Variants in DOCK6 observed in about 807,000 individuals in gnomAD.
DOCK6 encodes the protein dedicator of cytokinesis 6.
DOCK6 carries 167 observed loss-of-function variants against 230.3 expected under a neutral mutation model. The observed-to-expected ratio is 0.73, with a 90% CI of 0.64 to 0.82. DOCK6 has a LOEUF of 0.82. DOCK6 is among the 40% of genes least tolerant of loss of function. The probability of loss-of-function intolerance (pLI) is 0.00; values close to 1 mark genes in which losing one functional copy is unlikely to be tolerated. For synonymous variants in DOCK6, 1,148 were observed against 1,185.0 expected (o/e 0.97, Z 0.64); for missense variants, 2,598 against 2,825.8 (o/e 0.92, Z 1.83).
Position 11,227,380 on chromosome 19 carries a change from A to C in DOCK6, c.2912T>G (p.Leu971Trp). The C allele has an allele frequency of 1.9e-6, 3 of 1,613,858 alleles. No homozygotes were observed. The highest frequency in any genetic ancestry group is 2.5e-6 in the Non-Finnish European group (3 of 1,179,888). ...GACCTCCAGGCCCACAGAGCCCACCAAGGCAGTGATGTCGTCCAGGAAGCG... is the reference window on the plus strand; with the variant it reads ...GACCTCCAGGCCCACAGAGCCCACCCAGGCAGTGATGTCGTCCAGGAAGCG... ...PGRFLDDITA[L>W]VGSVGLEVIT... The change falls in exon 24 of 48, where the codon TTG (leucine) becomes TGG (tryptophan). Residue 971 changes from leucine (L) to tryptophan (W), a missense_variant. By Grantham distance (61) the Leu-to-Trp change is moderately conservative. Transcript: ENST00000294618.
intron 30 of DOCK6, chr19:11,216,172 A>G (rs2147763156): frequency 6.6e-6 from 2 of 302,256 alleles, no homozygotes; most frequent in Non-Finnish European, 1.2e-5. Flanking sequence ...GCTCATTGCA[A>G]CCTCCACCTC....
Position 11,201,802 on chromosome 19 carries a change from G to T in DOCK6, c.5688+87C>A. The T allele has an allele frequency of 7.8e-7, 1 of 1,282,688 alleles. No homozygotes were observed. Among genetic ancestry groups the T allele is most frequent in the Non-Finnish European group, 1.1e-6 (1 of 932,782 alleles). 79.5% of individuals were successfully genotyped at this position (1,282,688 alleles called of 1,614,324 possible). ...AGGTCCGTGAACCACCTTGGGTCTGGGTCCCTGTGTCTACCCTCCCCTCCC... is the reference window on the plus strand; with the variant it reads ...AGGTCCGTGAACCACCTTGGGTCTGTGTCCCTGTGTCTACCCTCCCCTCCC... On this transcript the variant is annotated intron_variant, in intron 44 of 47. Transcript: ENST00000294618. This position sits in a 1 kb window ranked among gnomAD's most constrained non-coding sequence, Gnocchi z 4.3.
intron 1 of DOCK6, 23 bp downstream of exon 1, chr19:11,262,374 A>C: frequency 1.9e-6 from 2 of 1,028,508 alleles, no homozygotes; most frequent in Non-Finnish European, 1.2e-6. Flanking sequence ...GGGAGGTGGG[A>C]GGGGGCCCCG....
In DOCK6 at chr19:11,238,040, C is replaced by T. The variant is rs757557858; in HGVS notation, c.1832+5G>A. On this transcript the variant is annotated splice_donor_5th_base_variant and intron_variant, in intron 16 of 47. Coordinates refer to ENST00000294618, the MANE Select transcript of DOCK6 (RefSeq NM_020812.4). ...CCCAAGTTCCTCACGTGTCCCCCTA[C>T]ATACTTGTTATGGTAGACCACCGGT... 3 of 1,613,782 alleles carry T rather than the reference C, an allele frequency of 1.9e-6. No homozygotes were observed. Among genetic ancestry groups the T allele is most frequent in the East Asian group, 2.2e-5 (1 of 44,882 alleles).
intron 39 of DOCK6, chr19:11,208,276 T>TC (rs2079296348): frequency 7.3e-6 from 1 of 137,232 alleles, no homozygotes; most frequent in South Asian, 2.2e-4. Context: ...CAATTCTCCT[T>TC]CCTTTTTTTT....
At chr19:11,251,511 C>T (rs1277137819) in intron 5 of DOCK6, 2 of 160,920 alleles carry the variant, frequency 1.2e-5, no homozygotes, top group Non-Finnish European at 2.7e-5. Context: ...GACACTGGGT[C>T]TCTGACCCCC....
intron 39 of DOCK6, 48 bp downstream of exon 39, chr19:11,208,638 C>A: frequency 6.3e-7 from 1 of 1,579,850 alleles, no homozygotes; most frequent in Non-Finnish European, 8.6e-7. Context: ...CTGATGGCAC[C>A]TCCCTGGCCC....
rs930140695 is a variant in DOCK6 at position 11,216,907 on chromosome 19, C to G, written c.3894+7G>C. 6.2e-7 allele frequency: 1 copy of G among 1,613,628 alleles called. No individual in the cohort carries two copies. Among genetic ancestry groups the G allele is most frequent in the Non-Finnish European group, 8.5e-7 (1 of 1,179,780 alleles). Reference sequence around the variant, plus strand: ...TCCTCCATCATCTCCTGCCCACGCCCTCAAACCTTGTACTCAAAGGCAGCT... The same window carrying G: ...TCCTCCATCATCTCCTGCCCACGCCGTCAAACCTTGTACTCAAAGGCAGCT... On this transcript the variant is annotated splice_region_variant and intron_variant, in intron 30 of 47. Transcript: ENST00000294618.
At chr19:11,228,147 A>T (rs1465783862) in intron 23 of DOCK6, among the ~76,000 whole-genome samples, 1 of 151,604 alleles carries the variant, frequency 6.6e-6, no homozygotes, top group Admixed American at 6.6e-5. Flanking sequence ...TGTAGCTGAG[A>T]TTACAGGCAC....
Position 11,208,847 on chromosome 19 carries a change from G to T in DOCK6, c.4945-18C>A, listed in dbSNP as rs957248286. The T allele has an allele frequency of 1.9e-6, 3 of 1,608,464 alleles. No individual in the cohort carries two copies. The highest frequency in any genetic ancestry group is 1.1e-5 in the South Asian group (1 of 91,040). On this transcript the variant is annotated intron_variant, in intron 38 of 47. Transcript: ENST00000294618. ...GAGATGTTCTGGGGTGGGAGAGGTGGCGTCAGACCCTGGTCCCCACTGCAC... is the reference window on the plus strand; with the variant it reads ...GAGATGTTCTGGGGTGGGAGAGGTGTCGTCAGACCCTGGTCCCCACTGCAC...
chr19:11,245,958 G>T, intron 7 of DOCK6, 80 bp from the exon 8 acceptor site: 1 of 1,504,102 alleles, frequency 6.6e-7, no homozygotes, highest in Non-Finnish European at 9.0e-7. Context: ...GAGGCCCAAG[G>T]TGGGGGGCAT....
At chr19:11,246,233 A>AT (rs2080031977) in intron 7 of DOCK6, among the ~76,000 whole-genome samples, 1 of 151,224 alleles carries the variant, frequency 6.6e-6, no homozygotes, top group South Asian at 2.1e-4. Context: ...TGCCCAGCTA[A>AT]TTTTTTGTGT....
chr19:11,236,043 G>T lies in DOCK6; in HGVS notation c.2393-284C>A. 2.0e-6 allele frequency: 1 copy of T among 495,106 alleles called. No homozygotes were observed. Among genetic ancestry groups the T allele is most frequent in the Non-Finnish European group, 3.5e-6 (1 of 283,176 alleles). The allele number at this position is 495,106 out of a possible 1,614,324, so 30.7% of individuals were successfully genotyped here. A position where few individuals can be genotyped will look rare whatever the true frequency, so the allele number is the denominator to read the frequency against. ...TTACAGGCATGCGCCACCACGCCCA[G>T]CTAATTTTGTATTTTTAGTAGAGAA... On this transcript the variant is annotated intron_variant, in intron 20 of 47. Coordinates refer to ENST00000294618, the MANE Select transcript of DOCK6 (RefSeq NM_020812.4). The surrounding 1 kb of genome is among the most constrained non-coding windows in gnomAD (Gnocchi z 5.2).
In DOCK6 at chr19:11,200,770, T is replaced by G; in HGVS notation, c.5885A>C (p.Lys1962Thr). The change falls in exon 46 of 48, where the codon AAG becomes ACG. Residue 1962 changes from lysine (K) to threonine (T), a missense_variant. Transcript: ENST00000294618. This position sits in a 1 kb window ranked among gnomAD's most constrained non-coding sequence, Gnocchi z 4.3. The part of the protein sequence containing the change: ...VFLAEIPEDP[K>T]LFRHHNKLRL... ...CAATTTGTTGTGATGCCGGAAGAGC[T>G]TGGGGTCTTCCGGGATCTCTGCTAA... is the stretch of plus-strand genomic sequence containing the variant. The G allele has an allele frequency of 1.9e-6, 3 of 1,613,600 alleles. No individual in the cohort carries two copies. The highest frequency in any genetic ancestry group is 3.3e-5 in the Admixed American group (2 of 60,010).
intron 14 of DOCK6, among the ~76,000 whole-genome samples, chr19:11,240,499 T>C (rs2079926379): frequency 6.6e-6 from 1 of 152,124 alleles, no homozygotes; most frequent in African/African-American, 2.4e-5. Flanking sequence ...GGGCAACACC[T>C]GATATCTCAC....
At chr19:11,254,815 G>A (rs1321778745) in intron 1 of DOCK6, among the ~76,000 whole-genome samples, 1 of 152,180 alleles carries the variant, frequency 6.6e-6, no homozygotes, top group Non-Finnish European at 1.5e-5. Context: ...GCTGAGCTCA[G>A]AAGTGGATGA....
Position 11,223,005 on chromosome 19 carries a change from G to T in DOCK6, c.3057C>A (p.Ala1019=). The part of the protein sequence containing the change: ...DRGFVFSLVR[A]HYKQVATRLQ... ...CGCCCACTCCTACCTGCTTGTAGTG[G>T]GCCCGGACCAGGCTGAAGACAAAGC... Residue 1019 remains alanine, a synonymous_variant, in exon 25 of 48, where the codon GCC becomes GCA. Coordinates refer to ENST00000294618, the MANE Select transcript of DOCK6 (RefSeq NM_020812.4). 6.2e-7 allele frequency: 1 copy of T among 1,613,734 alleles called. No homozygotes were observed. Among genetic ancestry groups the T allele is most frequent in the Non-Finnish European group, 8.5e-7 (1 of 1,179,844 alleles).
intron 7 of DOCK6, among the ~76,000 whole-genome samples, chr19:11,246,723 C>T (rs960893439): frequency 1.3e-5 from 2 of 152,144 alleles, no homozygotes; most frequent in African/African-American, 4.8e-5. Context: ...TTTCCCCATC[C>T]CTCCTTTCTG....
chr19:11,200,872 C>T lies in DOCK6; in HGVS notation c.5832+37G>A. ...GCCAGCCTGCATGGCACCTGGAGTCCCCCGTGCGGCTTGCATCCCCCTTCC... is the reference window on the plus strand; with the variant it reads ...GCCAGCCTGCATGGCACCTGGAGTCTCCCGTGCGGCTTGCATCCCCCTTCC... On this transcript the variant is annotated intron_variant, in intron 45 of 47. Transcript: ENST00000294618. This position sits in a 1 kb window ranked among gnomAD's most constrained non-coding sequence, Gnocchi z 4.3. 1 of 1,613,726 alleles carries T rather than the reference C, an allele frequency of 6.2e-7. No homozygotes were observed.
Sources: allele counts gnomAD v4.1 joint callset (sites outside exome capture counted in the v4.1 genomes callset), GRCh38; gene constraint gnomAD v4.1.1; non-coding constraint Gnocchi (gnomAD v3.1); transcripts MANE v1.5; gene names NCBI Gene and HGNC (gene_info 2026-07-23, HGNC 2026-07-21).